The following MED27 variants were observed in gnomAD, a reference collection of about 807,000 sequenced individuals.
MED27 encodes the protein mediator complex subunit 27, also known as mediator of RNA polymerase II transcription subunit 27.
Under a neutral mutation model 38.2 loss-of-function variants are expected in MED27, and 30 were observed. That is an observed-to-expected ratio of 0.79 (90% CI 0.59 to 1.07). The LOEUF (loss-of-function observed/expected upper bound fraction) is 1.07, where lower values mean the gene tolerates loss of function less well. MED27 is among the 50% of genes least tolerant of loss of function. The pLI, the probability that MED27 is intolerant of heterozygous loss-of-function variation, is 0.00. For synonymous variants in MED27, 122 were observed against 153.5 expected, an observed-to-expected ratio of 0.79 and a Z score of 1.52; for missense variants, 289 against 397.5, an observed-to-expected ratio of 0.73 and a Z score of 2.32.
intron 3 of MED27, among the ~76,000 whole-genome samples, chr9:131,979,103 T>C (rs2131024855): frequency 6.6e-6 from 1 of 152,362 alleles, no homozygotes; most frequent in African/African-American, 2.4e-5. Flanking sequence ...ACCGCAGAGA[T>C]GATGGGTGTC....
chr9:131,901,292 T>C (rs560974109), intron 4 of MED27, among the ~76,000 whole-genome samples: 14 of 152,362 alleles, frequency 9.2e-5, no homozygotes, highest in African/African-American at 3.1e-4. Flanking sequence ...ATGTCTGTAC[T>C]GTGTGCAACA....
intron 3 of MED27, among the ~76,000 whole-genome samples, chr9:131,961,757 TC>T (rs1211093059): frequency 2.0e-5 from 3 of 152,182 alleles, no homozygotes; most frequent in African/African-American, 7.2e-5. Flanking sequence ...CCTGGCCATA[TC>T]CACAGGGGCC....
At chr9:131,903,055 T>C (rs2131520263) in intron 4 of MED27, among the ~76,000 whole-genome samples, 1 of 150,342 alleles carries the variant, frequency 6.7e-6, no homozygotes, top group East Asian at 2.0e-4. Context: ...ATCTGAACCA[T>C]GAGAGTGCTG....
At chr9:131,894,049 G>C in intron 4 of MED27, 57 bp from the exon 5 acceptor site, 1 of 1,414,612 alleles carries the variant, frequency 7.1e-7, no homozygotes, top group South Asian at 1.2e-5. Flanking sequence ...AAGTTGGGCA[G>C]GGGTGTGAGA....
chr9:131,943,466 G>A (rs899379402), intron 3 of MED27, among the ~76,000 whole-genome samples: 2 of 152,140 alleles, frequency 1.3e-5, no homozygotes, highest in East Asian at 1.9e-4. Context: ...CGTCTGCAGC[G>A]GGCTCTGCAG....
chr9:131,992,468 G>A (rs941637049), intron 3 of MED27, among the ~76,000 whole-genome samples: 6 of 152,112 alleles, frequency 3.9e-5, no homozygotes, highest in African/African-American at 1.4e-4. Flanking sequence ...CGTGATCACA[G>A]CTCACTGCAA....
intron 2 of MED27, among the ~76,000 whole-genome samples, chr9:132,047,863 C>G (rs1717699440): frequency 6.6e-6 from 1 of 151,960 alleles, no homozygotes; most frequent in South Asian, 2.1e-4. Context: ...CACAACAAAG[C>G]TAAAAACGAA....
At chr9:131,898,172 C>G (rs1314736133) in intron 4 of MED27, among the ~76,000 whole-genome samples, 2 of 138,776 alleles carry the variant, frequency 1.4e-5, no homozygotes, top group African/African-American at 5.5e-5. Context: ...TATGAAAAGT[C>G]TTGCACTGGC....
chr9:131,959,673 T>C (rs1006866983), intron 3 of MED27, among the ~76,000 whole-genome samples: 1 of 152,216 alleles, frequency 6.6e-6, no homozygotes, highest in Non-Finnish European at 1.5e-5. Flanking sequence ...TATACAGTTA[T>C]AAAGACTGTC....
At chr9:131,968,919 T>A (rs761767247) in intron 3 of MED27, among the ~76,000 whole-genome samples, 80 of 152,296 alleles carry the variant, frequency 5.3e-4, no homozygotes, top group Non-Finnish European at 1.0e-3. Flanking sequence ...AACCTGATTG[T>A]GAACTGCGCA....
chr9:131,942,535 G>A (rs1424284288), intron 3 of MED27, among the ~76,000 whole-genome samples: 4 of 152,204 alleles, frequency 2.6e-5, no homozygotes, highest in South Asian at 2.1e-4. Flanking sequence ...GAGGATAGGC[G>A]ATGTCTTCTG....
chr9:131,865,635 G>A (rs535462251), intron 6 of MED27, among the ~76,000 whole-genome samples: 3 of 152,136 alleles, frequency 2.0e-5, no homozygotes, highest in East Asian at 3.9e-4. Flanking sequence ...CTGCTGTTCC[G>A]TAGCTCCGTG....
At position 131,925,763 on chromosome 9, in the gene MED27, G is replaced by A. The variant is rs192855462; in HGVS notation, c.573+13618C>T. Reference sequence around the variant, plus strand: ...AGAGAGAATGATAAACACGCCAGGGGACAGCAGCTCCTGCGGGGGCGGTGG... The same window carrying A: ...AGAGAGAATGATAAACACGCCAGGGAACAGCAGCTCCTGCGGGGGCGGTGG... On this transcript the variant is annotated intron_variant, in intron 4 of 7. Coordinates refer to ENST00000292035, the MANE Select transcript of MED27 (RefSeq NM_004269.4). Among the ~76,000 whole-genome samples the A allele has an allele frequency of 3.4e-3, 521 of 152,298 alleles. 2 individuals are homozygous for A. Among genetic ancestry groups the A allele is most frequent in the Non-Finnish European group, 6.0e-3 (409 of 68,020 alleles).
intron 5 of MED27, among the ~76,000 whole-genome samples, chr9:131,892,625 A>G (rs551777878): frequency 2.6e-4 from 39 of 152,306 alleles, no homozygotes; most frequent in African/African-American, 7.5e-4. Flanking sequence ...GAAGTTGTCA[A>G]CTTTGAAAAA....
Position 131,868,700 on chromosome 9 carries a change from C to A in MED27, c.724-5560G>T, listed in dbSNP as rs922584148. ...CTGGGAGGCCCAGGCCTCTGCCCAC[C>A]TCCTACCCACTGACTCCCATCCCCG... On this transcript the variant is annotated intron_variant, in intron 6 of 7. Coordinates refer to ENST00000292035, the MANE Select transcript of MED27 (RefSeq NM_004269.4). 5 of 985,380 alleles carry A rather than the reference C, an allele frequency of 5.1e-6. No homozygotes were observed. In the African/African-American group the frequency reaches 8.7e-5, roughly 17 times the overall value. 61.0% of individuals were successfully genotyped at this position (985,380 alleles called of 1,614,324 possible). A position where few individuals can be genotyped will look rare whatever the true frequency, so the allele number is the denominator to read the frequency against.
At chr9:131,967,124 T>G (rs10115806) in intron 3 of MED27, among the ~76,000 whole-genome samples, 1,715 of 152,384 alleles carry the variant, frequency 0.011, 32 homozygotes, top group African/African-American at 0.039. Context: ...CTATCAGTAA[T>G]TGAATACTTT....
intron 4 of MED27, among the ~76,000 whole-genome samples, chr9:131,908,872 A>G (rs1830133930): frequency 9.9e-6 from 1 of 101,518 alleles, no homozygotes; most frequent in Non-Finnish European, 2.5e-5. Context: ...AGAATGATCA[A>G]TTAAAAAAAA....
intron 4 of MED27, among the ~76,000 whole-genome samples, chr9:131,929,097 A>G (rs994103249): frequency 1.3e-5 from 2 of 152,176 alleles, no homozygotes; most frequent in East Asian, 3.9e-4. Flanking sequence ...CTCCCAAATG[A>G]TATTTCTCGA....
chr9:131,862,341 T>C lies in MED27; in HGVS notation c.801+722A>G, dbSNP rs538863918. On this transcript the variant is annotated intron_variant, in intron 7 of 7. Coordinates refer to ENST00000292035, the MANE Select transcript of MED27 (RefSeq NM_004269.4). This position sits in a 1 kb window ranked among gnomAD's most constrained non-coding sequence, Gnocchi z 4.6. ...GATGGGGTCTGCTGGCGTGAGAGCA[T>C]GCGGCCGTGTGAGCATGCTGGCGTG... is the stretch of plus-strand genomic sequence containing the variant. 3.3e-4 allele frequency among the ~76,000 whole-genome samples: 50 copies of C among 152,082 alleles called. No homozygotes were observed. Among genetic ancestry groups the C allele is most frequent in the African/African-American group, 1.1e-3 (46 of 41,420 alleles).
Sources: allele counts gnomAD v4.1 joint callset (sites outside exome capture counted in the v4.1 genomes callset), GRCh38; gene constraint gnomAD v4.1.1; non-coding constraint Gnocchi (gnomAD v3.1); transcripts MANE v1.5; gene names NCBI Gene and HGNC (gene_info 2026-07-23, HGNC 2026-07-21).